The following DSC3 variants were observed in gnomAD, a reference collection of about 807,000 sequenced individuals.
DSC3 encodes desmocollin-3.
A neutral mutation model predicts 89.5 loss-of-function variants in DSC3; 97 were observed. The ratio of observed to expected loss-of-function variants is 1.08; its 90% CI spans 0.92 to 1.28. The LOEUF is 1.28. Among genes scored for constraint, DSC3 ranks in the 50% most tolerant of loss-of-function variants. DSC3 has a pLI of 0.00. For synonymous variants in DSC3, 436 were observed against 384.1 expected, an observed-to-expected ratio of 1.14 and a Z score of -1.58; for missense variants, 1,199 against 1,085.3, an observed-to-expected ratio of 1.10 and a Z score of -1.47.
chr18:30,992,257 T>A lies in DSC3; in HGVS notation c.*1918A>T, dbSNP rs372821265. 3 of 148,952 alleles carry A rather than the reference T, an allele frequency of 2.0e-5. No individual in the cohort carries two copies. The highest frequency in any genetic ancestry group is 4.0e-4 in the East Asian group (2 of 4,984). 9.2% of individuals were successfully genotyped at this position (148,952 alleles called of 1,614,324 possible). ...AATTAGAAAACAGAAAATGTAGGAA[T>A]AAATCAGAATTTTAGATAGGCATTT... On this transcript the variant is annotated 3_prime_UTR_variant, in exon 16 of 16. Transcript: ENST00000360428.
At chr18:31,004,040 C>T in intron 13 of DSC3, 102 bp downstream of exon 13, 1 of 883,616 alleles carries the variant, frequency 1.1e-6, no homozygotes. Flanking sequence ...GAAAGAGACT[C>T]ACATCTGATG....
chr18:31,032,680 C>T (rs1430088017), intron 1 of DSC3, among the ~76,000 whole-genome samples: 1 of 151,792 alleles, frequency 6.6e-6, no homozygotes, highest in Non-Finnish European at 1.5e-5. Flanking sequence ...ACTGCACCCT[C>T]CACCTCCCAG....
Position 31,008,480 on chromosome 18 carries a change from C to T in DSC3, c.1309G>A (p.Val437Ile). ...CTAGCAAATGGCGCTTCATTGTTTA[C>T]TCCAATTTCCAGGTTCACTTGACGG... ...ENRQVNLEIG[V>I]NNEAPFARDI... Residue 437 changes from valine (V) to isoleucine (I), a missense_variant, in exon 10 of 16, where the codon GTA becomes ATA. Physicochemically the swap from Val to Ile is conservative, Grantham distance 29 (BLOSUM62 3). Transcript: ENST00000360428. 6.2e-7 allele frequency: 1 copy of T among 1,614,136 alleles called. No individual in the cohort carries two copies. The highest frequency in any genetic ancestry group is 8.5e-7 in the Non-Finnish European group (1 of 1,180,000).
chr18:31,024,486 G>A lies in DSC3; in HGVS notation c.638C>T (p.Ala213Val). Reference protein sequence around the residue: ...REEYDVFDLIAYASTADGYSA... With the variant: ...REEYDVFDLIVYASTADGYSA... ...ATATCCATCTGCAGTTGACGCATAA[G>A]CAATCAACTGCAAAATAGCAAAAAG... The change falls in exon 6 of 16, where the codon GCT becomes GTT. Residue 213 changes from alanine to valine, a missense_variant. Physicochemically the swap from Ala to Val is moderately conservative, Grantham distance 64. Transcript: ENST00000360428. 6.2e-7 allele frequency: 1 copy of A among 1,612,384 alleles called. No homozygotes were observed. Among genetic ancestry groups the A allele is most frequent in the Non-Finnish European group, 8.5e-7 (1 of 1,179,230 alleles).
intron 3 of DSC3, among the ~76,000 whole-genome samples, chr18:31,029,896 A>C (rs1185423573): frequency 1.3e-5 from 2 of 152,176 alleles, no homozygotes; most frequent in Non-Finnish European, 2.9e-5. Context: ...GAAAATCACC[A>C]CTATATTCTT....
chr18:31,039,772 C>G (rs951025052), intron 1 of DSC3, among the ~76,000 whole-genome samples: 1 of 152,192 alleles, frequency 6.6e-6, no homozygotes, highest in Non-Finnish European at 1.5e-5. Flanking sequence ...TTATTCAGAA[C>G]GTGCTTCCGT....
Position 31,008,333 on chromosome 18 carries a change from C to A in DSC3, c.1456G>T (p.Val486Leu). 6.2e-7 allele frequency: 1 copy of A among 1,614,040 alleles called. No individual in the cohort carries two copies. Among genetic ancestry groups the A allele is most frequent in the Non-Finnish European group, 8.5e-7 (1 of 1,180,004 alleles). Residue 486 changes from valine (V) to leucine (L), a missense_variant, in exon 10 of 16, where the codon GTG (valine) becomes TTG (leucine). Coordinates refer to ENST00000360428, the MANE Select transcript of DSC3 (RefSeq NM_001941.5). ...QYVRIKENLAVGSKINGYKAY... is the reference protein window; with the variant it reads ...QYVRIKENLALGSKINGYKAY... Reference sequence around the variant, plus strand: ...TTATAGCCGTTGATCTTTGACCCCACTGCTAAGTTTTCTTTAATCCGCACA... The same window carrying A: ...TTATAGCCGTTGATCTTTGACCCCAATGCTAAGTTTTCTTTAATCCGCACA...
chr18:31,007,491 A>G (rs1033873703), intron 11 of DSC3, among the ~76,000 whole-genome samples: 10 of 152,200 alleles, frequency 6.6e-5, no homozygotes. Context: ...TCAAACCACT[A>G]GGAAGATTTT....
rs1303194202 is a variant in DSC3, at chr18:30,992,780, T to TA, written c.*1394_*1395insT. 3.3e-5 allele frequency: 5 copies of TA among 152,226 alleles called. No individual in the cohort carries two copies. Among genetic ancestry groups the TA allele is most frequent in the Non-Finnish European group, 7.3e-5 (5 of 68,040 alleles). 9.4% of individuals were successfully genotyped at this position (152,226 alleles called of 1,614,324 possible). A position where few individuals can be genotyped will look rare whatever the true frequency, so the allele number is the denominator to read the frequency against. ...AATTTCTCTGGAGAAAGCAAACTGA[T>TA]TAAAAATTAATTCACGCTGAAGGAT... On this transcript the variant is annotated 3_prime_UTR_variant, in exon 16 of 16. Coordinates refer to ENST00000360428, the MANE Select transcript of DSC3 (RefSeq NM_001941.5).
chr18:31,013,964 T>G (rs796780257), intron 9 of DSC3, among the ~76,000 whole-genome samples: 2 of 152,264 alleles, frequency 1.3e-5, no homozygotes, highest in African/African-American at 4.8e-5. Flanking sequence ...AAATTAGAAT[T>G]TCCATTGATA....
Position 31,018,245 on chromosome 18 carries a change from A to AAATG in DSC3, c.1085_1088dup (p.Val364IlefsTer19). The AAATG allele has an allele frequency of 1.2e-6, 2 of 1,610,428 alleles. No individual in the cohort carries two copies. Among genetic ancestry groups the AAATG allele is most frequent in the Non-Finnish European group, 1.7e-6 (2 of 1,178,644 alleles). ...CCACATTGAATGCATTTTCCTCTAC[A>AAATG]AATGCTTCATACTGAAACAGAAAGA... is the stretch of plus-strand genomic sequence containing the variant. On this transcript the variant is annotated frameshift_variant, in exon 9 of 16. Transcript: ENST00000360428. LOFTEE classifies it high-confidence loss of function.
chr18:31,007,193 T>TA (rs1354054759), intron 11 of DSC3, 62 bp from the exon 12 acceptor site: 5 of 1,245,698 alleles, frequency 4.0e-6, no homozygotes, highest in Non-Finnish European at 5.8e-6. Context: ...TCTTAAAGAA[T>TA]AAAAAGTCAA....
At position 31,042,662 on chromosome 18, in the gene DSC3, G is replaced by C. The variant is rs1384980781; in HGVS notation, c.-2C>G. ...GCGCCGGGGCCCAGCGGCGGCCATCGGGATGCCGGGCAGGGCCAGGAGAAC... is the reference window on the plus strand; with the variant it reads ...GCGCCGGGGCCCAGCGGCGGCCATCCGGATGCCGGGCAGGGCCAGGAGAAC... On this transcript the variant is annotated 5_prime_UTR_variant, in exon 1 of 16. Coordinates refer to ENST00000360428, the MANE Select transcript of DSC3 (RefSeq NM_001941.5). The C allele has an allele frequency of 1.3e-6, 2 of 1,549,036 alleles. No homozygotes were observed. Among genetic ancestry groups the C allele is most frequent in the Non-Finnish European group, 1.7e-6 (2 of 1,146,164 alleles).
chr18:31,024,572 C>T, intron 5 of DSC3, 79 bp from the exon 6 acceptor site: 1 of 1,465,208 alleles, frequency 6.8e-7, no homozygotes, highest in African/African-American at 1.4e-5. Context: ...TACTACCTGC[C>T]TTGCAAATCT....
intron 3 of DSC3, among the ~76,000 whole-genome samples, chr18:31,030,241 A>G (rs1312661602): frequency 6.6e-6 from 1 of 152,232 alleles, no homozygotes; most frequent in African/African-American, 2.4e-5. Flanking sequence ...CATCTCTATC[A>G]TGGGAAAAAG....
At chr18:31,030,697 A>C (rs1985756552) in intron 3 of DSC3, among the ~76,000 whole-genome samples, 1 of 151,868 alleles carries the variant, frequency 6.6e-6, no homozygotes, top group African/African-American at 2.4e-5. Context: ...AGAAGGATAG[A>C]AAAAGGGAGA....
intron 9 of DSC3, 78 bp from the exon 10 acceptor site, chr18:31,008,603 A>G: frequency 2.6e-6 from 4 of 1,559,990 alleles, no homozygotes; most frequent in African/African-American, 1.3e-5. Context: ...AACATTTGTC[A>G]TCCTGACCAG....
At chr18:31,006,789 T>G in intron 12 of DSC3, 118 bp downstream of exon 12, 1 of 824,448 alleles carries the variant, frequency 1.2e-6, no homozygotes, top group Non-Finnish European at 2.0e-6. Context: ...TTTATCCTTC[T>G]AAAATATATT....
At chr18:31,026,154 A>G (rs948282570) in intron 4 of DSC3, among the ~76,000 whole-genome samples, 4 of 152,110 alleles carry the variant, frequency 2.6e-5, no homozygotes, top group Non-Finnish European at 5.9e-5. Flanking sequence ...TGAATAAGCT[A>G]TGAGGATAAA....
Sources: gnomAD v4.1 joint callset for allele counts (sites outside exome capture counted in the v4.1 genomes callset) on GRCh38, gnomAD v4.1.1 for gene constraint, MANE v1.5 for transcripts, NCBI Gene and HGNC (gene_info 2026-07-23, HGNC 2026-07-21) for gene names.